Variants in DDX10 observed in about 807,000 individuals in gnomAD.
The protein encoded by DDX10 is DEAD-box helicase 10.
DDX10 carries 74 observed loss-of-function variants against 104.3 expected under a neutral mutation model. That is an observed-to-expected ratio of 0.71 (90% CI 0.59 to 0.86). The LOEUF is 0.86. Ranked by LOEUF, DDX10 falls within the 40% of genes least tolerant of loss-of-function variation. DDX10 has a pLI of 0.00. For synonymous variants in DDX10, 351 were observed against 353.4 expected (o/e 0.99, Z 0.08); for missense variants, 952 against 1,040.0 (o/e 0.92, Z 1.16).
At chr11:108,746,018 T>A (rs1444842033) in intron 13 of DDX10, among the ~76,000 whole-genome samples, 2 of 152,166 alleles carry the variant, frequency 1.3e-5, no homozygotes, top group Non-Finnish European at 2.9e-5. Flanking sequence ...TATTAGAATG[T>A]TTTTTATCAC....
chr11:108,701,441 C>T (rs184656823), intron 9 of DDX10, among the ~76,000 whole-genome samples: 11 of 152,076 alleles, frequency 7.2e-5, no homozygotes, highest in East Asian at 5.8e-4. Flanking sequence ...TCCCTTTCTC[C>T]ACTTCTTGAT....
intron 13 of DDX10, among the ~76,000 whole-genome samples, chr11:108,739,904 T>C (rs2094323056): frequency 6.6e-6 from 1 of 152,134 alleles, no homozygotes; most frequent in African/African-American, 2.4e-5. Flanking sequence ...CCTCTCATAT[T>C]ATCTTAAATT....
chr11:108,838,577 G>A lies in DDX10; in HGVS notation c.2085+12G>A, dbSNP rs191553529. On this transcript the variant is annotated intron_variant, in intron 14 of 17. Transcript: ENST00000322536. Reference sequence around the variant, plus strand: ...CTGATGAAGGGGAGGTAAGATTCTAGAAGTGTTTCATTTCTGAGGTGCATT... The same window carrying A: ...CTGATGAAGGGGAGGTAAGATTCTAAAAGTGTTTCATTTCTGAGGTGCATT... The A allele has an allele frequency of 8.1e-6, 13 of 1,602,134 alleles. No homozygotes were observed. The highest frequency in any genetic ancestry group is 8.1e-5 in the African/African-American group (6 of 74,384).
At chr11:108,746,530 C>T (rs1166726947) in intron 13 of DDX10, among the ~76,000 whole-genome samples, 3 of 151,910 alleles carry the variant, frequency 2.0e-5, no homozygotes, top group African/African-American at 7.2e-5. Context: ...CCTCAGTGGA[C>T]ATAATTATTC....
chr11:108,709,268 T>C (rs1004730001), intron 10 of DDX10, among the ~76,000 whole-genome samples: 39 of 152,306 alleles, frequency 2.6e-4, no homozygotes, highest in African/African-American at 9.4e-4. Flanking sequence ...ATGAGTGATA[T>C]TGGTCTGTAG....
chr11:108,687,552 T>C (rs1261822319), intron 6 of DDX10, among the ~76,000 whole-genome samples: 1 of 152,194 alleles, frequency 6.6e-6, no homozygotes, highest in East Asian at 1.9e-4. Context: ...TATGGTTATT[T>C]TTTTTATCTA....
chr11:108,722,614 G>A (rs571675230), intron 12 of DDX10, among the ~76,000 whole-genome samples: 2 of 152,150 alleles, frequency 1.3e-5, no homozygotes, highest in South Asian at 4.2e-4. Flanking sequence ...TTAGTTAATT[G>A]GATCCTTACA....
chr11:108,917,133 A>G (rs975707343), intron 16 of DDX10, among the ~76,000 whole-genome samples: 1 of 151,092 alleles, frequency 6.6e-6, no homozygotes. Context: ...TGGTGCAATC[A>G]TGGCTCACTC....
chr11:108,817,190 T>C (rs745338317), intron 13 of DDX10, among the ~76,000 whole-genome samples: 1 of 152,226 alleles, frequency 6.6e-6, no homozygotes, highest in Non-Finnish European at 1.5e-5. Flanking sequence ...CTTGCTGTAT[T>C]CTTTCTTTCA....
intron 13 of DDX10, among the ~76,000 whole-genome samples, chr11:108,733,827 T>C (rs2094315173): frequency 2.6e-5 from 4 of 152,116 alleles, no homozygotes; most frequent in African/African-American, 9.7e-5. Context: ...TTGGTCAAAT[T>C]AGTATTTTTT....
chr11:108,682,286 G>A (rs1217067987), intron 6 of DDX10, among the ~76,000 whole-genome samples: 2 of 151,974 alleles, frequency 1.3e-5, no homozygotes, highest in Admixed American at 6.6e-5. Context: ...TGTATTTTGA[G>A]TAAAGACGGG....
At chr11:108,808,813 T>C (rs964014990) in intron 13 of DDX10, among the ~76,000 whole-genome samples, 21 of 151,760 alleles carry the variant, frequency 1.4e-4, no homozygotes, top group African/African-American at 4.8e-4. Context: ...GAAAATCTGG[T>C]ATAGGGAAAA....
At chr11:108,918,308 T>C (rs1228251173) in intron 17 of DDX10, 1 of 391,218 alleles carries the variant, frequency 2.6e-6, no homozygotes, top group African/African-American at 2.1e-5. Flanking sequence ...TTTTTTTTCT[T>C]ATCTTTCTCT....
intron 15 of DDX10, among the ~76,000 whole-genome samples, chr11:108,849,414 G>A (rs1862762947): frequency 6.6e-6 from 1 of 151,954 alleles, no homozygotes; most frequent in South Asian, 2.1e-4. Flanking sequence ...AAATTTTCAA[G>A]TATCACCCTA....
intron 13 of DDX10, among the ~76,000 whole-genome samples, chr11:108,778,358 G>A (rs2094372997): frequency 1.3e-5 from 2 of 152,220 alleles, no homozygotes; most frequent in East Asian, 3.9e-4. Context: ...ATAGACCAAT[G>A]GAACAGAACA....
chr11:108,745,190 T>TCCCCC (rs745605551), intron 13 of DDX10, among the ~76,000 whole-genome samples: 1 of 95,568 alleles, frequency 1.0e-5, no homozygotes, highest in Non-Finnish European at 2.1e-5. Context: ...TCCCCTCCCC[T>TCCCCC]TCCTTCCCTT....
intron 3 of DDX10, chr11:108,675,937 C>T: frequency 1.8e-6 from 1 of 556,354 alleles, no homozygotes; most frequent in Non-Finnish European, 3.2e-6. Flanking sequence ...GGCAGGCACT[C>T]AATAACTTAC....
intron 16 of DDX10, among the ~76,000 whole-genome samples, chr11:108,892,313 C>T (rs1198592654): frequency 6.6e-6 from 1 of 152,140 alleles, no homozygotes; most frequent in Non-Finnish European, 1.5e-5. Flanking sequence ...ACCATGTAAT[C>T]TCTGCACAAG....
intron 16 of DDX10, among the ~76,000 whole-genome samples, chr11:108,895,601 G>T (rs1040335018): frequency 1.3e-5 from 2 of 152,048 alleles, no homozygotes; most frequent in East Asian, 3.9e-4. Flanking sequence ...ATTTTTGAAA[G>T]ATGTAACTAA....
Sources: gnomAD v4.1 joint callset for allele counts (sites outside exome capture counted in the v4.1 genomes callset) on GRCh38, gnomAD v4.1.1 for gene constraint, MANE v1.5 for transcripts, NCBI Gene and HGNC (gene_info 2026-07-23, HGNC 2026-07-21) for gene names.